The following MIA2 variants were observed in gnomAD, a reference collection of about 807,000 sequenced individuals.
MIA2 encodes the protein MIA SH3 domain ER export factor 2.
MIA2 carries 127 observed loss-of-function variants against 167.8 expected under a neutral mutation model. The observed-to-expected ratio is 0.76, with a 90% CI of 0.66 to 0.88. MIA2 has a LOEUF of 0.88. Among genes scored for constraint, MIA2 ranks in the 40% least tolerant of loss-of-function variants. The pLI is 0.00. For synonymous variants in MIA2, 552 were observed against 541.9 expected (o/e 1.02, Z -0.26); for missense variants, 1,690 against 1,624.7 (o/e 1.04, Z -0.69).
intron 6 of MIA2, among the ~76,000 whole-genome samples, chr14:39,270,092 G>A (rs1405165442): frequency 6.6e-6 from 1 of 151,970 alleles, no homozygotes; most frequent in East Asian, 1.9e-4. Context: ...AGTTTATGAG[G>A]GTTTCAGTTT....
Position 39,248,026 on chromosome 14 carries a change from G to C in MIA2, c.1452G>C (p.Gln484His). Residue 484 changes from glutamine to histidine, a missense_variant, in exon 4 of 29, where the codon CAG (glutamine) becomes CAC (histidine). Coordinates refer to ENST00000640607, the MANE Select transcript of MIA2 (RefSeq NM_001329214.4). ...PKETELPFPK[Q>H]ILDQNNVIEN... Reference sequence around the variant, plus strand: ...AAACAGAATTGCCATTTCCCAAACAGATACTGGATCAAAATAATGTAATTG... The same window carrying C: ...AAACAGAATTGCCATTTCCCAAACACATACTGGATCAAAATAATGTAATTG... The C allele has an allele frequency of 6.4e-7, 1 of 1,574,030 alleles. No individual in the cohort carries two copies. The highest frequency in any genetic ancestry group is 2.3e-5 in the East Asian group (1 of 44,302).
chr14:39,313,780 A>G (rs1398953434), intron 19 of MIA2, among the ~76,000 whole-genome samples: 1 of 152,162 alleles, frequency 6.6e-6, no homozygotes, highest in Non-Finnish European at 1.5e-5. Context: ...TCAAATTGAG[A>G]AGAATGTATG....
chr14:39,267,079 C>T (rs1014943344), intron 6 of MIA2: 42 of 1,095,238 alleles, frequency 3.8e-5, no homozygotes, highest in Middle Eastern at 4.3e-4. Context: ...GACCCGGACA[C>T]GTCTGCGAAG....
intron 25 of MIA2, among the ~76,000 whole-genome samples, chr14:39,327,579 C>T (rs2067836032): frequency 6.6e-6 from 1 of 152,026 alleles, no homozygotes; most frequent in Admixed American, 6.6e-5. Flanking sequence ...ACAGCTGCAT[C>T]ATCTACATTA....
rs200102750 is a variant in MIA2 at position 39,346,072 on chromosome 14, C to T, written c.3778+46C>T. The stretch of plus-strand genomic sequence containing the variant: ...TTCTTCTTTAAAAATTTTGGTGGCA[C>T]ACTAAAGAACTGGAAGTTAGAATAA... On this transcript the variant is annotated intron_variant, in intron 26 of 28. Transcript: ENST00000640607. 4.8e-5 allele frequency: 74 copies of T among 1,536,074 alleles called. No homozygotes were observed. In the Admixed American group the frequency reaches 7.3e-4, roughly 15 times the overall value.
chr14:39,303,391 T>C lies in MIA2; in HGVS notation c.2741-87T>C, dbSNP rs1417783370. The C allele has an allele frequency of 1.4e-5, 14 of 1,021,970 alleles. No homozygotes were observed. In the East Asian group the frequency reaches 3.2e-4, roughly 23 times the overall value. The allele number at this position is 1,021,970 out of a possible 1,614,324, so 63.3% of individuals were successfully genotyped here. A position where few individuals can be genotyped will look rare whatever the true frequency, so the allele number is the denominator to read the frequency against. ...GAAGAGGGATTATAAGTTTCTGGTT[T>C]AGTGAACTGATAAAATCATTTTGAT... On this transcript the variant is annotated intron_variant, in intron 15 of 28. Transcript: ENST00000640607.
chr14:39,267,912 A>G (rs377393410), intron 6 of MIA2, among the ~76,000 whole-genome samples: 8 of 151,808 alleles, frequency 5.3e-5, no homozygotes, highest in East Asian at 1.9e-4. Flanking sequence ...ACATTTACTG[A>G]TGTAACTTCT....
At chr14:39,293,145 AT>A (rs1301340160) in intron 10 of MIA2, 125 bp from the exon 11 acceptor site, 15 of 716,336 alleles carry the variant, frequency 2.1e-5, no homozygotes, top group Non-Finnish European at 3.5e-5. Flanking sequence ...TTTTGATATT[AT>A]AAAAATGAGC....
chr14:39,267,107 A>C, intron 6 of MIA2: 2 of 1,114,470 alleles, frequency 1.8e-6, no homozygotes, highest in Middle Eastern at 4.0e-4. Flanking sequence ...GAAGAAGGGG[A>C]AGTTTGCGGC....
chr14:39,254,927 A>C (rs969138840), intron 6 of MIA2, among the ~76,000 whole-genome samples: 4 of 152,192 alleles, frequency 2.6e-5, no homozygotes, highest in Admixed American at 6.5e-5. Flanking sequence ...TGAATGCAGC[A>C]TGGAGAATTA....
chr14:39,263,666 C>G (rs1294721404), intron 6 of MIA2, among the ~76,000 whole-genome samples: 5 of 140,118 alleles, frequency 3.6e-5, no homozygotes, highest in Non-Finnish European at 7.6e-5. Flanking sequence ...GAGTTTCACT[C>G]AGTCACCGAG....
chr14:39,303,115 A>T (rs1299761944), intron 15 of MIA2, among the ~76,000 whole-genome samples: 3 of 152,098 alleles, frequency 2.0e-5, no homozygotes, highest in Non-Finnish European at 4.4e-5. Context: ...GAGAAAACTC[A>T]TGCTTGTTTA....
In MIA2 at chr14:39,304,355, T is replaced by C. The variant is rs2062988186; in HGVS notation, c.2852T>C (p.Val951Ala). 1.9e-6 allele frequency: 3 copies of C among 1,570,896 alleles called. No homozygotes were observed. The highest frequency in any genetic ancestry group is 1.2e-5 in the South Asian group (1 of 82,112). Reference protein sequence around the residue: ...RNQIYIQLSEVDKTKEELTEH... With the variant: ...RNQIYIQLSEADKTKEELTEH... ...CAAATTTATATTCAGTTGTCTGAAGTTGATAAAACAAAGGAAGAGCTTACA... is the reference window on the plus strand; with the variant it reads ...CAAATTTATATTCAGTTGTCTGAAGCTGATAAAACAAAGGAAGAGCTTACA... The change falls in exon 17 of 29, where the codon GTT becomes GCT. Residue 951 changes from valine (V) to alanine (A), a missense_variant. Coordinates refer to ENST00000640607, the MANE Select transcript of MIA2 (RefSeq NM_001329214.4).
At position 39,349,828 on chromosome 14, in the gene MIA2, T is replaced by C. The variant is rs375747492; in HGVS notation, c.4073-270T>C. Among the ~76,000 whole-genome samples, 94 of 152,332 alleles carry C rather than the reference T, an allele frequency of 6.2e-4. 1 individual carries two copies. Among genetic ancestry groups the C allele is most frequent in the African/African-American group, 2.1e-3 (87 of 41,582 alleles). ...AAAAAGTGATTTACAGTAAGTTTTA[T>C]ATATTTTGAAATAATTCCTCTTTTT... On this transcript the variant is annotated intron_variant, in intron 28 of 28. Transcript: ENST00000640607.
chr14:39,303,453 G>T (rs764809513), intron 15 of MIA2, 25 bp from the exon 16 acceptor site: 2 of 1,583,960 alleles, frequency 1.3e-6, no homozygotes, highest in African/African-American at 1.4e-5. Context: ...CCAAATCATT[G>T]TTGTGCTTTT....
intron 25 of MIA2, among the ~76,000 whole-genome samples, chr14:39,338,625 T>C (rs1484245525): frequency 6.6e-6 from 1 of 152,212 alleles, no homozygotes; most frequent in Non-Finnish European, 1.5e-5. Flanking sequence ...AACAGAAATA[T>C]GTCCTGGGAA....
chr14:39,364,946 C>T (rs190628745), intron 23 of MIA2, among the ~76,000 whole-genome samples: 3 of 151,918 alleles, frequency 2.0e-5, no homozygotes, highest in South Asian at 2.1e-4. Context: ...TTGAATTTTA[C>T]GCATTTGGGA....
chr14:39,346,522 A>G (rs560462613), intron 26 of MIA2, among the ~76,000 whole-genome samples: 22 of 152,136 alleles, frequency 1.4e-4, no homozygotes, highest in African/African-American at 4.8e-4. Context: ...CCTCATAGCA[A>G]CCCATTAAAG....
chr14:39,252,336 A>G (rs912824720), intron 4 of MIA2, among the ~76,000 whole-genome samples: 20 of 152,320 alleles, frequency 1.3e-4, no homozygotes, highest in South Asian at 8.3e-4. Context: ...AGAGTAAGAC[A>G]GAGATTAGAA....
Sources: gnomAD v4.1 joint callset for allele counts (sites outside exome capture counted in the v4.1 genomes callset) on GRCh38, gnomAD v4.1.1 for gene constraint, MANE v1.5 for transcripts, NCBI Gene and HGNC (gene_info 2026-07-23, HGNC 2026-07-21) for gene names.